LRP1B: variants seen among roughly 807,000 people sequenced by gnomAD.
The protein encoded by LRP1B is low-density lipoprotein receptor-related protein 1B.
A neutral mutation model predicts 556.6 loss-of-function variants in LRP1B; 217 were observed. That is an observed-to-expected ratio of 0.39 (90% CI 0.35 to 0.44). The LOEUF (loss-of-function observed/expected upper bound fraction) is 0.44, where lower values mean the gene tolerates loss of function less well. Among genes scored for constraint, LRP1B ranks in the 20% least tolerant of loss-of-function variants. The pLI is 1.00. For synonymous variants in LRP1B, 2,047 were observed against 1,865.8 expected, an observed-to-expected ratio of 1.10 and a Z score of -2.50; for missense variants, 5,053 against 5,620.8, an observed-to-expected ratio of 0.90 and a Z score of 3.23.
At chr2:141,583,930 G>A (rs937979755) in intron 2 of LRP1B, among the ~76,000 whole-genome samples, 1 of 150,078 alleles carries the variant, frequency 6.7e-6, no homozygotes, top group Admixed American at 6.6e-5. Context: ...AGTAGCGATG[G>A]GGTTTCACTG....
In LRP1B at chr2:140,378,266, T is replaced by C; in HGVS notation, c.10552A>G (p.Lys3518Glu). The change falls in exon 68 of 91, where the codon AAA becomes GAA. Residue 3518 changes from lysine to glutamate, a missense_variant. This residue lies in a region of LRP1B where 599 missense variants were observed against 648.4 expected (regional missense o/e 0.92). Transcript: ENST00000389484. Reference sequence around the variant, plus strand: ...TCCCCATTGGCACAGAGGAAATCTTTCAATGTACATGTCTGTGGCTCTGGG... The same window carrying C: ...TCCCCATTGGCACAGAGGAAATCTTCCAATGTACATGTCTGTGGCTCTGGG... ...ENCKPQTCTL[K>E]DFLCANGDCV... The C allele has an allele frequency of 1.2e-6, 2 of 1,610,242 alleles. No homozygotes were observed. Among genetic ancestry groups the C allele is most frequent in the Non-Finnish European group, 8.5e-7 (1 of 1,176,696 alleles).
At chr2:140,782,453 A>G (rs985818294) in intron 32 of LRP1B, among the ~76,000 whole-genome samples, 3 of 152,096 alleles carry the variant, frequency 2.0e-5, no homozygotes, top group African/African-American at 7.2e-5. Context: ...CCACAGGGAG[A>G]AGACCGTCAT....
At chr2:141,484,931 C>T (rs1225907216) in intron 2 of LRP1B, among the ~76,000 whole-genome samples, 2 of 151,982 alleles carry the variant, frequency 1.3e-5, no homozygotes, top group Admixed American at 6.6e-5. Context: ...CATGTGTTGG[C>T]TCAAATCAAA....
chr2:140,536,030 G>T (rs2105000546), intron 46 of LRP1B, among the ~76,000 whole-genome samples: 1 of 152,176 alleles, frequency 6.6e-6, no homozygotes, highest in East Asian at 1.9e-4. Flanking sequence ...TTCAGAGTAA[G>T]CCTGTCCATA....
intron 1 of LRP1B, among the ~76,000 whole-genome samples, chr2:142,091,541 T>C (rs1306215504): frequency 6.6e-6 from 1 of 152,124 alleles, no homozygotes; most frequent in Non-Finnish European, 1.5e-5. Flanking sequence ...AGTTTAAAGA[T>C]GTGAGTGAAA....
chr2:141,210,764 A>G (rs1682506042), intron 6 of LRP1B, among the ~76,000 whole-genome samples: 1 of 152,200 alleles, frequency 6.6e-6, no homozygotes, highest in Admixed American at 6.5e-5. Flanking sequence ...TTGGAAGGGA[A>G]TATGTTTGTG....
intron 2 of LRP1B, among the ~76,000 whole-genome samples, chr2:141,605,839 A>G (rs1159163278): frequency 4.6e-5 from 7 of 152,032 alleles, no homozygotes; most frequent in Non-Finnish European, 8.8e-5. Context: ...ATGTCAAAAG[A>G]TTGTCTGTTA....
intron 5 of LRP1B, among the ~76,000 whole-genome samples, chr2:141,243,328 T>C (rs1397790601): frequency 1.3e-5 from 2 of 151,714 alleles, no homozygotes; most frequent in Non-Finnish European, 2.9e-5. Flanking sequence ...ACAAAAAATT[T>C]TTAAATTAGC....
At chr2:141,150,577 A>C (rs1268736025) in intron 7 of LRP1B, among the ~76,000 whole-genome samples, 1 of 152,206 alleles carries the variant, frequency 6.6e-6, no homozygotes, top group African/African-American at 2.4e-5. Context: ...TGCTACGAGA[A>C]AGTTACACAG....
chr2:140,755,458 G>A (rs1455136990), intron 35 of LRP1B, among the ~76,000 whole-genome samples: 1 of 151,828 alleles, frequency 6.6e-6, no homozygotes, highest in Non-Finnish European at 1.5e-5. Context: ...TTAAACAGAA[G>A]TATCACCATG....
At chr2:141,941,467 AG>A (rs1286124452) in intron 1 of LRP1B, among the ~76,000 whole-genome samples, 1 of 152,234 alleles carries the variant, frequency 6.6e-6, no homozygotes, top group Non-Finnish European at 1.5e-5. Context: ...CTGCTGGGAA[AG>A]CTTGAGCCAT....
chr2:140,487,685 A>G lies in LRP1B; in HGVS notation c.9175T>C (p.Trp3059Arg). The G allele has an allele frequency of 6.3e-7, 1 of 1,596,652 alleles. No homozygotes were observed. The highest frequency in any genetic ancestry group is 1.1e-5 in the South Asian group (1 of 90,128). ...CCATTGGGTCGGCTAGAATCGATCCAATAGATGAATTCTTCTCTGTAATCA... is the reference window on the plus strand; with the variant it reads ...CCATTGGGTCGGCTAGAATCGATCCGATAGATGAATTCTTCTCTGTAATCA... The part of the protein sequence containing the change: ...DFDYREEFIY[W>R]IDSSRPNGSR... Residue 3059 changes from tryptophan (W) to arginine (R), a missense_variant, in exon 58 of 91, where the codon TGG becomes CGG. Trp to Arg is a moderately radical substitution (Grantham distance 101). Transcript: ENST00000389484.
At chr2:142,128,915 T>C (rs1031750423) in intron 1 of LRP1B, among the ~76,000 whole-genome samples, 3 of 152,204 alleles carry the variant, frequency 2.0e-5, no homozygotes, top group African/African-American at 7.2e-5. Context: ...CAAAATTCTC[T>C]TCAGATATTT....
intron 66 of LRP1B, among the ~76,000 whole-genome samples, chr2:140,399,456 G>T (rs1684399831): frequency 6.6e-6 from 1 of 151,882 alleles, no homozygotes; most frequent in African/African-American, 2.4e-5. Flanking sequence ...ATAAAGTACA[G>T]TTTTATTTTC....
intron 7 of LRP1B, among the ~76,000 whole-genome samples, chr2:141,110,514 T>C (rs1700722844): frequency 2.0e-5 from 3 of 152,108 alleles, no homozygotes; most frequent in Admixed American, 6.6e-5. Flanking sequence ...TAGGAGCTTA[T>C]ATATCTAATT....
intron 1 of LRP1B, among the ~76,000 whole-genome samples, chr2:141,951,858 T>C (rs1360196099): frequency 1.3e-5 from 2 of 152,164 alleles, no homozygotes; most frequent in African/African-American, 4.8e-5. Flanking sequence ...ATTTGCTTTT[T>C]TTAAATTAAG....
At chr2:141,147,932 C>CAGT (rs1558892798) in intron 7 of LRP1B, among the ~76,000 whole-genome samples, 3 of 152,134 alleles carry the variant, frequency 2.0e-5, no homozygotes, top group Non-Finnish European at 4.4e-5. Flanking sequence ...GCATTCAATA[C>CAGT]AGTAACATGC....
rs186412373 is a variant in LRP1B, at chr2:141,005,898, C to G, written c.2381-441G>C. On this transcript the variant is annotated intron_variant, in intron 14 of 90. Transcript: ENST00000389484. Reference sequence around the variant, plus strand: ...TTCTTTTCTCTTGTGCAGTATACACCGGAAAGGCAGTGTATTGAGGACTCC... The same window carrying G: ...TTCTTTTCTCTTGTGCAGTATACACGGGAAAGGCAGTGTATTGAGGACTCC... Among the ~76,000 whole-genome samples the G allele has an allele frequency of 2.0e-4, 31 of 151,896 alleles. 1 individual carries two copies. Among genetic ancestry groups the G allele is most frequent in the Admixed American group, 1.9e-3 (29 of 15,214 alleles).
intron 1 of LRP1B, among the ~76,000 whole-genome samples, chr2:142,060,212 G>A (rs190624995): frequency 1.3e-5 from 2 of 152,148 alleles, no homozygotes; most frequent in East Asian, 3.9e-4. Context: ...AATGAATGGT[G>A]TTTCTTCCTC....
Sources: allele counts gnomAD v4.1 joint callset (sites outside exome capture counted in the v4.1 genomes callset), GRCh38; gene constraint gnomAD v4.1.1; regional missense constraint gnomAD v4.1.1; transcripts MANE v1.5; gene names NCBI Gene and HGNC (gene_info 2026-07-23, HGNC 2026-07-21).